The following MICAL3 variants were observed in gnomAD, a reference collection of about 807,000 sequenced individuals.
MICAL3 encodes microtubule associated monooxygenase, calponin and LIM domain containing 3.
In MICAL3, 62 loss-of-function variants were observed where a neutral mutation model predicts 207.4. That is an observed-to-expected ratio of 0.30 (90% CI 0.24 to 0.37). The LOEUF (loss-of-function observed/expected upper bound fraction) is 0.37. Ranked by LOEUF, MICAL3 falls within the 10% of genes least tolerant of loss-of-function variation. MICAL3 has a pLI of 1.00. For synonymous variants in MICAL3, 1,077 were observed against 1,069.3 expected (o/e 1.01, Z -0.14); for missense variants, 2,368 against 2,635.6 (o/e 0.90, Z 2.22).
At chr22:17,801,984 A>G (rs2061945223) in intron 29 of MICAL3, among the ~76,000 whole-genome samples, 1 of 152,144 alleles carries the variant, frequency 6.6e-6, no homozygotes, top group South Asian at 2.1e-4. Flanking sequence ...GGCATCTTGA[A>G]CTGGGAGGGA....
At chr22:17,864,697 A>G (rs1460066517) in intron 19 of MICAL3, 2 of 1,611,926 alleles carry the variant, frequency 1.2e-6, no homozygotes, top group Non-Finnish European at 1.7e-6. Flanking sequence ...TCTGATTTGC[A>G]CCAGCACCTC....
rs549214020 is a variant in MICAL3, at chr22:17,866,525, G to A, written c.2429-513C>T. On this transcript the variant is annotated intron_variant, in intron 17 of 31. Coordinates refer to ENST00000441493, the MANE Select transcript of MICAL3 (RefSeq NM_015241.3). ...TCACCCCCTCCCAGTCCCCTCAGAG[G>A]GTCAGGATCAGCAGGAAAGGACATT... Among the ~76,000 whole-genome samples, 4 of 152,156 alleles carry A rather than the reference G, an allele frequency of 2.6e-5. No homozygotes were observed. The East Asian group carries it at 5.8e-4, about 22-fold the overall frequency.
intron 19 of MICAL3, chr22:17,858,490 C>A: frequency 1.0e-6 from 1 of 985,364 alleles, no homozygotes; most frequent in Non-Finnish European, 1.2e-6. Flanking sequence ...CTCTGCCTGG[C>A]TGCTGCCGTT....
At chr22:17,991,414 T>C (rs911975033) in intron 1 of MICAL3, among the ~76,000 whole-genome samples, 1 of 152,240 alleles carries the variant, frequency 6.6e-6, no homozygotes, top group East Asian at 1.9e-4. Flanking sequence ...CTGTGAAGAA[T>C]TTAATTTCAA....
chr22:17,821,420 C>T lies in MICAL3; in HGVS notation c.3531+7G>A. 6.5e-7 allele frequency: 1 copy of T among 1,541,992 alleles called. No individual in the cohort carries two copies. Among genetic ancestry groups the T allele is most frequent in the Non-Finnish European group, 8.7e-7 (1 of 1,143,222 alleles). The stretch of plus-strand genomic sequence containing the variant: ...TCTGTACCCCACAGCGAGCCCCAAA[C>T]CCTTACCTCTGTTGAGGGGCTGTGG... On this transcript the variant is annotated splice_region_variant and intron_variant, in intron 25 of 31. Transcript: ENST00000441493.
At chr22:17,962,710 C>A (rs575343010) in intron 1 of MICAL3, among the ~76,000 whole-genome samples, 30,267 of 151,892 alleles carry the variant, frequency 0.2, 3,157 homozygotes, top group Middle Eastern at 0.27. Flanking sequence ...TCCAAGGACC[C>A]TTTGAACAGA....
chr22:17,877,315 GGGAGGTTAGGGAGGTTAT>G (rs1569110190), intron 16 of MICAL3, among the ~76,000 whole-genome samples: 14 of 49,778 alleles, frequency 2.8e-4, no homozygotes, highest in South Asian at 6.3e-4. Context: ...ATGGAGGTTA[GGGAGGTTAGGGAGGTTAT>G]GGAGGTTAGG....
intron 1 of MICAL3, among the ~76,000 whole-genome samples, chr22:17,961,488 C>T (rs573606320): frequency 1.3e-5 from 2 of 152,104 alleles, no homozygotes; most frequent in Admixed American, 1.3e-4. Context: ...CTGCCTCCTT[C>T]CCCCCACCCT....
At chr22:17,804,083 G>C (rs1342613171) in intron 29 of MICAL3, among the ~76,000 whole-genome samples, 1 of 152,188 alleles carries the variant, frequency 6.6e-6, no homozygotes, top group East Asian at 1.9e-4. Context: ...GGCTGCGGGA[G>C]GAGGGCGGTA....
In MICAL3 at chr22:17,900,773, C is replaced by G; in HGVS notation, c.847+69G>C. On this transcript the variant is annotated intron_variant, in intron 6 of 31. Transcript: ENST00000441493. The surrounding 1 kb of genome is among the most constrained non-coding windows in gnomAD (Gnocchi z 4.0). ...ACCGACGGCCACTCACCCCACCAATCCCCCAAGAAAAAGCCACCAGGGACT... is the reference window on the plus strand; with the variant it reads ...ACCGACGGCCACTCACCCCACCAATGCCCCAAGAAAAAGCCACCAGGGACT... 1 of 1,447,758 alleles carries G rather than the reference C, an allele frequency of 6.9e-7. No homozygotes were observed. Among genetic ancestry groups the G allele is most frequent in the Non-Finnish European group, 9.6e-7 (1 of 1,038,408 alleles). The allele number at this position is 1,447,758 out of a possible 1,614,324, so 89.7% of individuals were successfully genotyped here.
At chr22:17,874,720 G>A (rs1419958630) in intron 16 of MICAL3, among the ~76,000 whole-genome samples, 4 of 152,204 alleles carry the variant, frequency 2.6e-5, no homozygotes, top group Admixed American at 6.5e-5. Context: ...CACACCATAC[G>A]TGTGCATATG....
intron 25 of MICAL3, among the ~76,000 whole-genome samples, chr22:17,820,503 C>T (rs761880128): frequency 6.6e-6 from 1 of 152,088 alleles, no homozygotes. Flanking sequence ...TACAGGCGCC[C>T]GCCACCACGC....
chr22:17,932,064 A>C (rs1055409505), intron 1 of MICAL3, among the ~76,000 whole-genome samples: 2 of 152,242 alleles, frequency 1.3e-5, no homozygotes, highest in Non-Finnish European at 2.9e-5. Flanking sequence ...AAGGATATGC[A>C]CAGGTGATGG....
At chr22:17,876,721 T>TGGAGGTTAGGGAGGTTAA (rs796827751) in intron 16 of MICAL3, 10 of 129,174 alleles carry the variant, frequency 7.7e-5, no homozygotes, top group East Asian at 2.7e-4. Flanking sequence ...AGGGAGGTTA[T>TGGAGGTTAGGGAGGTTAA]GGAGGTTAGG....
intron 1 of MICAL3, among the ~76,000 whole-genome samples, chr22:17,927,859 T>A (rs1932992731): frequency 6.6e-6 from 1 of 152,074 alleles, no homozygotes; most frequent in South Asian, 2.1e-4. Context: ...CTTACCTCTG[T>A]TCTCCAAGCA....
At chr22:17,828,610 T>G (rs994694096) in intron 21 of MICAL3, among the ~76,000 whole-genome samples, 1 of 152,164 alleles carries the variant, frequency 6.6e-6, no homozygotes, top group African/African-American at 2.4e-5. Context: ...ACCTGAGAAC[T>G]CCATGTGGTG....
In MICAL3 at chr22:17,787,979, G is replaced by C. The variant is rs1220353960; in HGVS notation, c.*2753C>G. 5.9e-5 allele frequency: 9 copies of C among 152,224 alleles called. No homozygotes were observed. The highest frequency in any genetic ancestry group is 4.6e-4 in the Admixed American group (7 of 15,286). 9.4% of individuals were successfully genotyped at this position (152,224 alleles called of 1,614,324 possible). ...TTCAGCCTCCAGTTTAGTCAGCCTT[G>C]AGTCTGGGCTGCTCCCGCACCTGGT... is the stretch of plus-strand genomic sequence containing the variant. On this transcript the variant is annotated 3_prime_UTR_variant, in exon 32 of 32. Transcript: ENST00000441493.
chr22:17,829,794 A>G (rs2146038415), intron 21 of MICAL3, among the ~76,000 whole-genome samples: 1 of 152,300 alleles, frequency 6.6e-6, no homozygotes, highest in African/African-American at 2.4e-5. Context: ...GCAGTAAAAC[A>G]TATGCGGCAT....
intron 1 of MICAL3, among the ~76,000 whole-genome samples, chr22:18,014,362 A>G (rs2146508243): frequency 6.6e-6 from 1 of 152,344 alleles, no homozygotes; most frequent in East Asian, 1.9e-4. Flanking sequence ...AAGGTTCAGG[A>G]GAACCCAGGA....
Sources: allele counts gnomAD v4.1 joint callset (sites outside exome capture counted in the v4.1 genomes callset), GRCh38; gene constraint gnomAD v4.1.1; non-coding constraint Gnocchi (gnomAD v3.1); transcripts MANE v1.5; gene names NCBI Gene and HGNC (gene_info 2026-07-23, HGNC 2026-07-21).